PVT1: variants seen among roughly 807,000 people sequenced by gnomAD.
PVT1 encodes the protein Pvt1 oncogene.
chr8:128,057,036 A>G (rs905354556), intron 4 of PVT1, among the ~76,000 whole-genome samples: 1 of 152,198 alleles, frequency 6.6e-6, no homozygotes, highest in African/African-American at 2.4e-5. Context: ...AAGACAGGGT[A>G]TTCTCACCTC....
At chr8:127,975,638 G>A (rs186246492) in intron 3 of PVT1, among the ~76,000 whole-genome samples, 29 of 152,308 alleles carry the variant, frequency 1.9e-4, no homozygotes, top group African/African-American at 5.5e-4. Context: ...TCTTCACGTC[G>A]TGGGGTTCTG....
intron 4 of PVT1, among the ~76,000 whole-genome samples, chr8:128,013,538 G>A (rs1438836717): frequency 1.3e-5 from 2 of 152,208 alleles, no homozygotes; most frequent in Non-Finnish European, 2.9e-5. Context: ...GCTGAATGCT[G>A]AGGAATGGAC....
At chr8:128,080,202 T>C (rs1814158765) in intron 5 of PVT1, among the ~76,000 whole-genome samples, 1 of 152,222 alleles carries the variant, frequency 6.6e-6, no homozygotes, top group African/African-American at 2.4e-5. Flanking sequence ...TAAACATTTG[T>C]GTGTAGGTTT....
At chr8:128,079,451 T>C (rs35699621) in intron 5 of PVT1, among the ~76,000 whole-genome samples, 16 of 152,254 alleles carry the variant, frequency 1.1e-4, no homozygotes, top group Non-Finnish European at 2.2e-4. Flanking sequence ...TGAACTAATA[T>C]TGATACATTA....
At chr8:127,977,628 G>A (rs1362221956) in intron 3 of PVT1, among the ~76,000 whole-genome samples, 11 of 152,072 alleles carry the variant, frequency 7.2e-5, no homozygotes, top group Admixed American at 5.9e-4. Flanking sequence ...CCAGCTACTC[G>A]GGAGGCTGAG....
chr8:127,871,236 C>G (rs1815348638), intron 2 of PVT1, among the ~76,000 whole-genome samples: 1 of 152,234 alleles, frequency 6.6e-6, no homozygotes, highest in Admixed American at 6.5e-5. Context: ...GTATAAGTGA[C>G]ACTCCTCCAC....
intron 3 of PVT1, among the ~76,000 whole-genome samples, chr8:127,982,821 G>A (rs1816899830): frequency 6.6e-6 from 1 of 152,232 alleles, no homozygotes; most frequent in South Asian, 2.1e-4. Flanking sequence ...CCAGACCCCT[G>A]TTTCTCCTCC....
chr8:127,865,867 T>G (rs1438220829), intron 2 of PVT1, among the ~76,000 whole-genome samples: 2 of 152,164 alleles, frequency 1.3e-5, no homozygotes, highest in Non-Finnish European at 2.9e-5. Context: ...AAGGGAAATG[T>G]CCTTTGAGTG....
chr8:127,966,671 T>C (rs1164200358), intron 3 of PVT1, among the ~76,000 whole-genome samples: 2 of 152,194 alleles, frequency 1.3e-5, no homozygotes, highest in African/African-American at 4.8e-5. Flanking sequence ...AATTTTTGTG[T>C]GAATTAATTT....
At chr8:127,984,881 C>CTTTCTTTCT (rs1237033411) in intron 3 of PVT1, among the ~76,000 whole-genome samples, 2 of 93,242 alleles carry the variant, frequency 2.1e-5, no homozygotes, top group African/African-American at 7.8e-5. Context: ...TTCTTTCTTT[C>CTTTCTTTCT]TTTCTTTCTT....
chr8:128,090,529 C>T (rs1814337598), intron 5 of PVT1, among the ~76,000 whole-genome samples: 1 of 152,030 alleles, frequency 6.6e-6, no homozygotes, highest in African/African-American at 2.4e-5. Context: ...GCTTTGGAAT[C>T]CTCTTTGGGA....
intron 3 of PVT1, among the ~76,000 whole-genome samples, chr8:127,912,698 C>T (rs1378624593): frequency 6.6e-6 from 1 of 151,978 alleles, no homozygotes; most frequent in African/African-American, 2.4e-5. Flanking sequence ...TCTTTCCCTC[C>T]CTTCTTTTTT....
rs544451897 is a variant in PVT1, at chr8:128,000,437, G to T, written n.912+11146G>T. Among the ~76,000 whole-genome samples, 334 of 152,318 alleles carry T rather than the reference G, an allele frequency of 2.2e-3. 2 individuals are homozygous for T. The highest frequency in any genetic ancestry group is 3.8e-3 in the Non-Finnish European group (257 of 68,024). On this transcript the variant is annotated intron_variant and non_coding_transcript_variant, in intron 4 of 10. Coordinates refer to ENST00000651587, the Ensembl canonical transcript of PVT1. ...GATCAGGCCAGCACCTGCTCTGAAT[G>T]GTCAGGCACCTCCATGGTTGCATAG...
At chr8:127,821,826 G>T (rs1298439932) in intron 2 of PVT1, among the ~76,000 whole-genome samples, 4 of 151,822 alleles carry the variant, frequency 2.6e-5, no homozygotes, top group Non-Finnish European at 4.4e-5. Context: ...AAAAAAGAAA[G>T]AAAATTAACA....
intron 3 of PVT1, among the ~76,000 whole-genome samples, chr8:127,910,891 G>T (rs1024314191): frequency 3.0e-5 from 4 of 131,700 alleles, no homozygotes; most frequent in African/African-American, 1.1e-4. Context: ...GTGTGTGTGT[G>T]TTTGTGTGTG....
intron 3 of PVT1, among the ~76,000 whole-genome samples, chr8:127,916,739 G>A (rs927326856): frequency 6.6e-6 from 1 of 152,118 alleles, no homozygotes; most frequent in Non-Finnish European, 1.5e-5. Flanking sequence ...GGAAGTTGTG[G>A]GCCATCACCT....
intron 5 of PVT1, among the ~76,000 whole-genome samples, chr8:128,074,840 G>T (rs879306693): frequency 1.6e-4 from 24 of 152,108 alleles, no homozygotes; most frequent in Non-Finnish European, 2.9e-4. Context: ...CTCTCACACT[G>T]CAGGCTTCCC....
intron 3 of PVT1, among the ~76,000 whole-genome samples, chr8:127,935,424 T>G (rs1016175767): frequency 1.3e-5 from 2 of 152,064 alleles, no homozygotes; most frequent in East Asian, 3.8e-4. Context: ...AGAGGCCAGG[T>G]CAGGGTGTGT....
At chr8:127,891,185 C>T (rs576867441) in intron 3 of PVT1, among the ~76,000 whole-genome samples, 1 of 152,286 alleles carries the variant, frequency 6.6e-6, no homozygotes, top group South Asian at 2.1e-4. Flanking sequence ...TGTTATTGTA[C>T]CTGTCACCAT....
Sources: allele counts gnomAD v4.1 joint callset (sites outside exome capture counted in the v4.1 genomes callset), GRCh38; gene constraint gnomAD v4.1.1; transcripts MANE v1.5; gene names NCBI Gene and HGNC (gene_info 2026-07-23, HGNC 2026-07-21).